Variants in PLEKHG4B observed in about 807,000 individuals in gnomAD.
PLEKHG4B encodes pleckstrin homology and RhoGEF domain containing G4B, also known as pleckstrin homology domain-containing family G member 4B.
In PLEKHG4B, 111 loss-of-function variants were observed where a neutral mutation model predicts 121.3. That is an observed-to-expected ratio of 0.92 (90% CI 0.78 to 1.07). The LOEUF is 1.07. PLEKHG4B is among the 50% of genes least tolerant of loss of function. The pLI, the probability that PLEKHG4B is intolerant of heterozygous loss-of-function variation, is 0.00. For synonymous variants in PLEKHG4B, 738 were observed against 725.0 expected (o/e 1.02, Z -0.29); for missense variants, 1,831 against 1,757.8 (o/e 1.04, Z -0.74).
rs983163268 is a variant in PLEKHG4B at position 171,521 on chromosome 5, C to T, written c.4050+77C>T. On this transcript the variant is annotated intron_variant, in intron 16 of 19. Transcript: ENST00000637938. ...GCTGGTGAGAAAGTCTTGGCCCCAG[C>T]AGCACACTTTTCTTGGTGATGTGCT... The T allele has an allele frequency of 5.8e-5, 79 of 1,358,930 alleles. No individual in the cohort carries two copies. The Middle Eastern group carries it at 9.0e-4, about 15-fold the overall frequency. 84.2% of individuals were successfully genotyped at this position (1,358,930 alleles called of 1,614,324 possible). A position where few individuals can be genotyped will look rare whatever the true frequency, so the allele number is the denominator to read the frequency against.
chr5:150,993 A>G (rs925780988), intron 6 of PLEKHG4B, among the ~76,000 whole-genome samples: 1 of 152,254 alleles, frequency 6.6e-6, no homozygotes, highest in Non-Finnish European at 1.5e-5. Context: ...ACCGTGGAAT[A>G]CTGCTCAGCA....
intron 18 of PLEKHG4B, among the ~76,000 whole-genome samples, chr5:178,832 G>A (rs1016083120): frequency 6.6e-6 from 1 of 152,122 alleles, no homozygotes; most frequent in Admixed American, 6.5e-5. Flanking sequence ...TGTTCAAGTC[G>A]CTGATATAAA....
intron 7 of PLEKHG4B, 39 bp from the exon 8 acceptor site, chr5:154,836 C>T: frequency 6.8e-7 from 1 of 1,470,434 alleles, no homozygotes; most frequent in Non-Finnish European, 9.5e-7. Context: ...CCAAGAGATG[C>T]ATCTGGAGCC....
intron 2 of PLEKHG4B, among the ~76,000 whole-genome samples, chr5:114,614 T>A (rs988113360): frequency 6.6e-6 from 1 of 152,254 alleles, no homozygotes; most frequent in Admixed American, 6.5e-5. Context: ...CCCACCACCA[T>A]GCCTGGCTGA....
chr5:179,941 G>T (rs1267120198), intron 18 of PLEKHG4B, among the ~76,000 whole-genome samples: 1 of 152,090 alleles, frequency 6.6e-6, no homozygotes, highest in Non-Finnish European at 1.5e-5. Context: ...TTATTTGATG[G>T]ATTTCGGTTT....
chr5:143,144 C>A lies in PLEKHG4B; in HGVS notation c.1575C>A (p.His525Gln). ...CCGATGTGCCTGCCCGGCAGCCACACCCCGAGCAAGAAGGGTGGCCACCCG... is the reference window on the plus strand; with the variant it reads ...CCGATGTGCCTGCCCGGCAGCCACAACCCGAGCAAGAAGGGTGGCCACCCG... ...GPSDVPARQP[H>Q]PEQEGWPPGT... is the part of the protein sequence containing the mutation. Residue 525 changes from histidine to glutamine, a missense_variant, in exon 4 of 20, where the codon CAC (histidine) becomes CAA (glutamine). By Grantham distance (24) the His-to-Gln change is conservative. Coordinates refer to ENST00000637938, the MANE Select transcript of PLEKHG4B (RefSeq NM_052909.5). The A allele has an allele frequency of 1.2e-6, 2 of 1,612,628 alleles. No individual in the cohort carries two copies. Among genetic ancestry groups the A allele is most frequent in the South Asian group, 1.1e-5 (1 of 91,086 alleles).
At chr5:130,288 G>C (rs1734741058) in intron 2 of PLEKHG4B, among the ~76,000 whole-genome samples, 2 of 152,120 alleles carry the variant, frequency 1.3e-5, no homozygotes, top group African/African-American at 4.8e-5. Context: ...AACACTAAGA[G>C]CCAATAGAAA....
At chr5:181,048 T>G (rs931571738) in intron 18 of PLEKHG4B, among the ~76,000 whole-genome samples, 5 of 152,232 alleles carry the variant, frequency 3.3e-5, no homozygotes, top group African/African-American at 1.2e-4. Context: ...TCTTTTTTCT[T>G]TGCTTAATTT....
At chr5:168,617 G>A (rs1479518655) in intron 13 of PLEKHG4B, among the ~76,000 whole-genome samples, 1 of 152,206 alleles carries the variant, frequency 6.6e-6, no homozygotes, top group Non-Finnish European at 1.5e-5. Context: ...GAAACCTTAT[G>A]TTCAGAGTTT....
At position 113,611 on chromosome 5, in the gene PLEKHG4B, G is replaced by A. The variant is rs1056322783; in HGVS notation, c.243+163G>A. ...CCCAAATGAAGGGTCAAACAAGGCT[G>A]CATGTCCCAGCAACAAGGGTTTCTC... On this transcript the variant is annotated intron_variant, in intron 2 of 19. Transcript: ENST00000637938. The surrounding 1 kb of genome is among the most constrained non-coding windows in gnomAD (Gnocchi z 5.2). Among the ~76,000 whole-genome samples, 11 of 152,194 alleles carry A rather than the reference G, an allele frequency of 7.2e-5. No individual in the cohort carries two copies. Among genetic ancestry groups the A allele is most frequent in the African/African-American group, 2.2e-4 (9 of 41,446 alleles).
intron 1 of PLEKHG4B, among the ~76,000 whole-genome samples, chr5:108,737 G>A (rs1012040474): frequency 1.4e-5 from 2 of 147,718 alleles, no homozygotes; most frequent in African/African-American, 2.6e-5. Flanking sequence ...ATGGCTGGGT[G>A]TAGACAGACT....
At chr5:146,102 T>G (rs1465344233) in intron 6 of PLEKHG4B, among the ~76,000 whole-genome samples, 1 of 141,506 alleles carries the variant, frequency 7.1e-6, no homozygotes, top group Non-Finnish European at 1.5e-5. Context: ...TCCTCCCTCC[T>G]CTCCCTACTT....
At chr5:162,156 C>G (rs975994265) in intron 12 of PLEKHG4B, among the ~76,000 whole-genome samples, 1 of 152,236 alleles carries the variant, frequency 6.6e-6, no homozygotes, top group Non-Finnish European at 1.5e-5. Flanking sequence ...CCAAACAGAC[C>G]AGCCAAACGA....
At position 109,542 on chromosome 5, in the gene PLEKHG4B, G is replaced by A. The variant is rs115255620; in HGVS notation, c.46-3709G>A. On this transcript the variant is annotated intron_variant, in intron 1 of 19. Transcript: ENST00000637938. ...CCATGTGTTGGTGCCAGAGGGACAC[G>A]CTAACCCACGGGTGACACAGAAGCT... Among the ~76,000 whole-genome samples, 1,160 of 152,212 alleles carry A rather than the reference G, an allele frequency of 7.6e-3. 19 individuals are homozygous for A. Among genetic ancestry groups the A allele is most frequent in the African/African-American group, 0.026 (1,098 of 41,494 alleles).
At chr5:120,656 A>G (rs1734440733) in intron 2 of PLEKHG4B, among the ~76,000 whole-genome samples, 1 of 152,196 alleles carries the variant, frequency 6.6e-6, no homozygotes, top group African/African-American at 2.4e-5. Context: ...TACACTGATA[A>G]GCCCCTCACC....
chr5:162,613 C>G lies in PLEKHG4B; in HGVS notation c.2650-109C>G, dbSNP rs1736054979. On this transcript the variant is annotated intron_variant, in intron 12 of 19. Transcript: ENST00000637938. ...GCGGGACTGCCTCTCGCTCTGCTTT[C>G]TGGCCCCCTGGTCCCTGAATAGGCT... is the stretch of plus-strand genomic sequence containing the variant. The G allele has an allele frequency of 8.6e-6, 7 of 809,348 alleles. No homozygotes were observed. The South Asian group carries it at 2.8e-4, about 33-fold the overall frequency. 50.1% of individuals were successfully genotyped at this position (809,348 alleles called of 1,614,324 possible).
intron 1 of PLEKHG4B, among the ~76,000 whole-genome samples, chr5:92,827 C>T (rs1165467689): frequency 6.6e-6 from 1 of 151,794 alleles, no homozygotes; most frequent in Non-Finnish European, 1.5e-5. Flanking sequence ...TGTGGTGGCC[C>T]GGAACAAAGA....
At chr5:161,640 C>A in intron 11 of PLEKHG4B, 143 bp from the exon 12 acceptor site, 1 of 995,350 alleles carries the variant, frequency 1.0e-6, no homozygotes, top group Non-Finnish European at 1.5e-6. Context: ...GGTGCCTGCT[C>A]TCGAGAATGA....
At chr5:154,661 C>G (rs1354751098) in intron 7 of PLEKHG4B, among the ~76,000 whole-genome samples, 1 of 146,484 alleles carries the variant, frequency 6.8e-6, no homozygotes, top group Non-Finnish European at 1.5e-5. Flanking sequence ...TCACTGAGGC[C>G]TTTCCTTCAC....
Sources: allele counts gnomAD v4.1 joint callset (sites outside exome capture counted in the v4.1 genomes callset), GRCh38; gene constraint gnomAD v4.1.1; non-coding constraint Gnocchi (gnomAD v3.1); transcripts MANE v1.5; gene names NCBI Gene and HGNC (gene_info 2026-07-23, HGNC 2026-07-21).